Variants in ESRP2 observed in about 807,000 individuals in gnomAD.
The protein encoded by ESRP2 is epithelial splicing regulatory protein 2, also known as RNA binding motif protein 35A.
ESRP2 carries 48 observed loss-of-function variants against 78.6 expected under a neutral mutation model. The observed-to-expected ratio is 0.61, with a 90% CI of 0.48 to 0.78. The LOEUF (loss-of-function observed/expected upper bound fraction) is 0.78, where lower values mean the gene tolerates loss of function less well. Among genes scored for constraint, ESRP2 ranks in the 30% least tolerant of loss-of-function variants. The pLI is 0.00. For synonymous variants in ESRP2, 383 were observed against 406.7 expected, an observed-to-expected ratio of 0.94 and a Z score of 0.70; for missense variants, 863 against 965.9, an observed-to-expected ratio of 0.89 and a Z score of 1.41.
chr16:68,234,954 T>G (rs2042202501), intron 2 of ESRP2: 1 of 193,204 alleles, frequency 5.2e-6, no homozygotes, highest in Non-Finnish European at 9.5e-6. Context: ...AAAAAGGACT[T>G]ACACTAATTA....
Position 68,230,245 on chromosome 16 carries a change from T to C in ESRP2, c.2135A>G (p.Lys712Arg). 1 of 1,614,172 alleles carries C rather than the reference T, an allele frequency of 6.2e-7. No individual in the cohort carries two copies. Reference sequence around the variant, plus strand: ...TCTCTCCTACAAACACACCCATTCCTTGGGGGCTTGTAACACAGTGCGAGG... The same window carrying C: ...TCTCTCCTACAAACACACCCATTCCCTGGGGGCTTGTAACACAGTGCGAGG... The part of the protein sequence containing the change: ...DPPRTVLQAP[K>R]EWVCL The change falls in exon 15 of 15, where the codon AAG becomes AGG. Residue 712 changes from lysine (K) to arginine (R), a missense_variant. Transcript: ENST00000473183.
chr16:68,229,692 C>T lies in ESRP2; in HGVS notation c.*534G>A, dbSNP rs1224803337. 1 of 157,614 alleles carries T rather than the reference C, an allele frequency of 6.3e-6. No individual in the cohort carries two copies. The highest frequency in any genetic ancestry group is 1.4e-5 in the Non-Finnish European group (1 of 70,976). The allele number at this position is 157,614 out of a possible 1,614,324, so 9.8% of individuals were successfully genotyped here. ...TCTTTAGGTGGGACCACCCCTGGCA[C>T]AACATGGTCTCTGAGGTCCAGATAC... On this transcript the variant is annotated 3_prime_UTR_variant, in exon 15 of 15. Coordinates refer to ENST00000473183, the MANE Select transcript of ESRP2 (RefSeq NM_024939.3).
Position 68,235,560 on chromosome 16 carries a change from T to C in ESRP2, c.327+74A>G. On this transcript the variant is annotated intron_variant, in intron 2 of 14. Transcript: ENST00000473183. This position sits in a 1 kb window ranked among gnomAD's most constrained non-coding sequence, Gnocchi z 5.5. ...CCGGTTGGTTGCGGCACGCCAGGCC[T>C]AGCCTCCGGCCGCCAATCCCGCCCA... is the stretch of plus-strand genomic sequence containing the variant. The C allele has an allele frequency of 1.9e-6, 3 of 1,572,380 alleles. No homozygotes were observed. The Admixed American group carries it at 5.3e-5, about 28-fold the overall frequency.
chr16:68,232,382 G>A lies in ESRP2; in HGVS notation c.943C>T (p.Arg315Cys), dbSNP rs757516890. 8 of 1,613,856 alleles carry A rather than the reference G, an allele frequency of 5.0e-6. No homozygotes were observed. The highest frequency in any genetic ancestry group is 6.8e-6 in the Non-Finnish European group (8 of 1,179,954). ...GCCCAAAGCCCCACCTCAATATAGC[G>A]GACGCCCATGTGGTGCTTGTGTCTC... The part of the protein sequence containing the change: ...LQRHKHHMGV[R>C]YIEVYKATGE... Residue 315 changes from arginine (R) to cysteine (C), a missense_variant, in exon 8 of 15, where the codon CGC becomes TGC. Transcript: ENST00000473183. The surrounding 1 kb of genome is among the most constrained non-coding windows in gnomAD (Gnocchi z 5.2).
At position 68,235,701 on chromosome 16, in the gene ESRP2, C is replaced by T. The variant is rs749835392; in HGVS notation, c.260G>A (p.Arg87His). 3.7e-6 allele frequency: 6 copies of T among 1,602,046 alleles called. No homozygotes were observed. The highest frequency in any genetic ancestry group is 4.5e-5 in the East Asian group (2 of 44,778). The change falls in exon 2 of 15, where the codon CGC becomes CAC. Residue 87 changes from arginine to histidine, a missense_variant. By Grantham distance (29) the Arg-to-His change is conservative. Coordinates refer to ENST00000473183, the MANE Select transcript of ESRP2 (RefSeq NM_024939.3). This position sits in a 1 kb window ranked among gnomAD's most constrained non-coding sequence, Gnocchi z 5.5. ...GTCGGCGCTCAGGCCGCTCGCCTCGCGGCACTGCGTACTCAGTGCGGCCGC... is the reference window on the plus strand; with the variant it reads ...GTCGGCGCTCAGGCCGCTCGCCTCGTGGCACTGCGTACTCAGTGCGGCCGC... ...AEAAALSTQC[R>H]EASGLSADSL... is the part of the protein sequence containing the mutation.
chr16:68,232,351 C>T lies in ESRP2; in HGVS notation c.954+20G>A. The T allele has an allele frequency of 6.2e-7, 1 of 1,614,116 alleles. No individual in the cohort carries two copies. The highest frequency in any genetic ancestry group is 1.1e-5 in the South Asian group (1 of 91,068). ...CCTGACTCAGATTGGCCCTGCTCCG[C>T]TCCCAGCCCAAAGCCCCACCTCAAT... On this transcript the variant is annotated intron_variant, in intron 8 of 14. Coordinates refer to ENST00000473183, the MANE Select transcript of ESRP2 (RefSeq NM_024939.3). This position sits in a 1 kb window ranked among gnomAD's most constrained non-coding sequence, Gnocchi z 5.2.
rs748645452 is a variant in ESRP2, at chr16:68,232,604, C to G, written c.794G>C (p.Arg265Pro). The G allele has an allele frequency of 1.9e-6, 3 of 1,614,146 alleles. No individual in the cohort carries two copies. Among genetic ancestry groups the G allele is most frequent in the South Asian group, 1.1e-5 (1 of 91,080 alleles). Residue 265 changes from arginine (R) to proline (P), a missense_variant, in exon 7 of 15, where the codon CGC becomes CCC. Coordinates refer to ENST00000473183, the MANE Select transcript of ESRP2 (RefSeq NM_024939.3). The surrounding 1 kb of genome is among the most constrained non-coding windows in gnomAD (Gnocchi z 5.2). Reference protein sequence around the residue: ...PWQSSDQDVARFFKGLNVARG... With the variant: ...PWQSSDQDVAPFFKGLNVARG... Reference sequence around the variant, plus strand: ...GGCCACGTTGAGCCCTTTGAAGAAGCGAGCCACGTCCTGGTCTGATGACTG... The same window carrying G: ...GGCCACGTTGAGCCCTTTGAAGAAGGGAGCCACGTCCTGGTCTGATGACTG...
At position 68,232,307 on chromosome 16, in the gene ESRP2, G is replaced by T; in HGVS notation, c.955-19C>A. The T allele has an allele frequency of 6.2e-7, 1 of 1,614,218 alleles. No individual in the cohort carries two copies. Among genetic ancestry groups the T allele is most frequent in the Non-Finnish European group, 8.5e-7 (1 of 1,180,032 alleles). ...TATACACCTGTGGGTACAGAGAGCA[G>T]CAGCCCATGGGTCTCAGGCCTGACT... On this transcript the variant is annotated intron_variant, in intron 8 of 14. Coordinates refer to ENST00000473183, the MANE Select transcript of ESRP2 (RefSeq NM_024939.3). The surrounding 1 kb of genome is among the most constrained non-coding windows in gnomAD (Gnocchi z 5.2).
rs762246969 is a variant in ESRP2, at chr16:68,230,223, C to G, written c.*3G>C. ...GCTGGCTCTTACCTCCTGGCTTTCT[C>G]TCCTACAAACACACCCATTCCTTGG... On this transcript the variant is annotated 3_prime_UTR_variant, in exon 15 of 15. Transcript: ENST00000473183. 1.9e-6 allele frequency: 3 copies of G among 1,614,124 alleles called. No individual in the cohort carries two copies. The highest frequency in any genetic ancestry group is 3.3e-5 in the Admixed American group (2 of 60,028).
rs141175937 is a variant in ESRP2 at position 68,230,410 on chromosome 16, G to C, written c.2043C>G (p.Leu681=). 8.7e-6 allele frequency: 14 copies of C among 1,613,480 alleles called. No homozygotes were observed. Among genetic ancestry groups the C allele is most frequent in the Non-Finnish European group, 1.1e-5 (13 of 1,179,668 alleles). Residue 681 remains leucine (L), a synonymous_variant, in exon 14 of 15, where the codon CTC becomes CTG. Coordinates refer to ENST00000473183, the MANE Select transcript of ESRP2 (RefSeq NM_024939.3). ...VPYTAGMKDL[L]SVFQAYQLPA... Reference sequence around the variant, plus strand: ...TCACCTGGTAGGCCTGGAAGACGCTGAGCAGATCCTTCATACCAGCCGTGT... The same window carrying C: ...TCACCTGGTAGGCCTGGAAGACGCTCAGCAGATCCTTCATACCAGCCGTGT...
At chr16:68,233,972 C>T (rs377283884) in intron 3 of ESRP2, 22 bp downstream of exon 3, 102 of 1,611,460 alleles carry the variant, frequency 6.3e-5, no homozygotes, top group East Asian at 1.1e-4. Context: ...CCACCCCACC[C>T]GGTTTTCCTT....
chr16:68,232,120 CCTG>C lies in ESRP2; in HGVS notation c.998-20_998-18del. The C allele has an allele frequency of 6.2e-7, 1 of 1,610,092 alleles. No homozygotes were observed. The highest frequency in any genetic ancestry group is 8.5e-7 in the Non-Finnish European group (1 of 1,177,262). ...GTGATGTGCCTGTGTATGAGAGTCG[CCTG>C]CTGACTTCACTCATGCTCCTCCAGA... On this transcript the variant is annotated intron_variant, in intron 9 of 14. Transcript: ENST00000473183. This position sits in a 1 kb window ranked among gnomAD's most constrained non-coding sequence, Gnocchi z 5.2.
rs759878710 is a variant in ESRP2, at chr16:68,230,492, G to A, written c.1961C>T (p.Ala654Val). 4.3e-6 allele frequency: 7 copies of A among 1,610,566 alleles called. No homozygotes were observed. Among genetic ancestry groups the A allele is most frequent in the Middle Eastern group, 1.6e-4 (1 of 6,066 alleles). ...TGACTGGGACAACACTGAGGTGGGA[G>A]CAGAGGCCAGGGCAGCAGTGGGTGT... ...LTTPTAALAS[A>V]PTSVLSQSGA... is the part of the protein sequence containing the mutation. The change falls in exon 14 of 15, where the codon GCT becomes GTT. Residue 654 changes from alanine to valine, a missense_variant. Physicochemically the swap from Ala to Val is moderately conservative, Grantham distance 64. Transcript: ENST00000473183.
At chr16:68,230,586 A>T (rs1027163699) in intron 13 of ESRP2, 32 bp from the exon 14 acceptor site, 4 of 1,535,462 alleles carry the variant, frequency 2.6e-6, no homozygotes, top group Admixed American at 2.0e-5. Flanking sequence ...TTAGTCATGC[A>T]TGCCACCTGT....
Position 68,230,120 on chromosome 16 carries a change from G to T in ESRP2, c.*106C>A. Reference sequence around the variant, plus strand: ...CCTCTAGGTACCTTCTGAGAGCTTTGACAAGCCAGAAAGAAGCTACCAGGT... The same window carrying T: ...CCTCTAGGTACCTTCTGAGAGCTTTTACAAGCCAGAAAGAAGCTACCAGGT... On this transcript the variant is annotated 3_prime_UTR_variant, in exon 15 of 15. Coordinates refer to ENST00000473183, the MANE Select transcript of ESRP2 (RefSeq NM_024939.3). 9.2e-7 allele frequency: 1 copy of T among 1,085,356 alleles called. No homozygotes were observed. The highest frequency in any genetic ancestry group is 1.4e-6 in the Non-Finnish European group (1 of 715,984). 67.2% of individuals were successfully genotyped at this position (1,085,356 alleles called of 1,614,324 possible).
At position 68,230,308 on chromosome 16, in the gene ESRP2, G is replaced by A; in HGVS notation, c.2072C>T (p.Ala691Val). Residue 691 changes from alanine (A) to valine (V), a missense_variant, in exon 15 of 15, where the codon GCT becomes GTT. Physicochemically the swap from Ala to Val is moderately conservative, Grantham distance 64 (BLOSUM62 0). Coordinates refer to ENST00000473183, the MANE Select transcript of ESRP2 (RefSeq NM_024939.3). Reference sequence around the variant, plus strand: ...AGGCATCAGACTGGTGTAGTCATCAGCGGGTAGCTACAGAAGGGACACAGA... The same window carrying A: ...AGGCATCAGACTGGTGTAGTCATCAACGGGTAGCTACAGAAGGGACACAGA... ...LSVFQAYQLP[A>V]DDYTSLMPVG... 6.2e-7 allele frequency: 1 copy of A among 1,614,212 alleles called. No individual in the cohort carries two copies. Among genetic ancestry groups the A allele is most frequent in the African/African-American group, 1.3e-5 (1 of 75,050 alleles).
intron 4 of ESRP2, 167 bp downstream of exon 4, chr16:68,233,601 A>C: frequency 1.4e-6 from 1 of 724,232 alleles, no homozygotes. Context: ...ACACATACCC[A>C]CATTCCAAAC....
chr16:68,233,520 G>T, intron 4 of ESRP2, 95 bp from the exon 5 acceptor site: 1 of 961,286 alleles, frequency 1.0e-6, no homozygotes, highest in Non-Finnish European at 1.7e-6. Flanking sequence ...ACATGCTGGA[G>T]ACCAGCATAC....
chr16:68,230,324 G>C lies in ESRP2; in HGVS notation c.2065-9C>G, dbSNP rs1373593718. ...TAGTCATCAGCGGGTAGCTACAGAA[G>C]GGACACAGATTTAGGGCAGAGAGCT... On this transcript the variant is annotated splice_polypyrimidine_tract_variant and intron_variant, in intron 14 of 14. Coordinates refer to ENST00000473183, the MANE Select transcript of ESRP2 (RefSeq NM_024939.3). The C allele has an allele frequency of 6.2e-7, 1 of 1,614,214 alleles. No homozygotes were observed. The highest frequency in any genetic ancestry group is 8.5e-7 in the Non-Finnish European group (1 of 1,180,014).
Sources: gnomAD v4.1 joint callset for allele counts on GRCh38, gnomAD v4.1.1 for gene constraint, Gnocchi (gnomAD v3.1) non-coding constraint, MANE v1.5 for transcripts, NCBI Gene and HGNC (gene_info 2026-07-23, HGNC 2026-07-21) for gene names.